Variants in SPIRE1 observed in about 807,000 individuals in gnomAD.
The protein encoded by SPIRE1 is spire type actin nucleation factor 1, also known as protein spire homolog 1.
Under a neutral mutation model 94.1 loss-of-function variants are expected in SPIRE1, and 40 were observed. That is an observed-to-expected ratio of 0.43 (90% CI 0.33 to 0.55). SPIRE1 has a LOEUF of 0.55. SPIRE1 is among the 20% of genes least tolerant of loss of function. The pLI is 0.06. For synonymous variants in SPIRE1, 376 were observed against 371.7 expected (o/e 1.01, Z -0.13); for missense variants, 838 against 975.2 (o/e 0.86, Z 1.87).
At chr18:12,504,230 G>A (rs2033758051) in intron 6 of SPIRE1, among the ~76,000 whole-genome samples, 2 of 147,580 alleles carry the variant, frequency 1.4e-5, no homozygotes, top group South Asian at 4.2e-4. Context: ...GACGTGGCTG[G>A]GCATGGTGGC....
chr18:12,595,361 T>C (rs979846197), intron 2 of SPIRE1, among the ~76,000 whole-genome samples: 6 of 152,158 alleles, frequency 3.9e-5, no homozygotes, highest in African/African-American at 1.4e-4. Context: ...ATGTATTAAC[T>C]GTTATGTTAC....
intron 2 of SPIRE1, among the ~76,000 whole-genome samples, chr18:12,593,953 GAA>G (rs71371279): frequency 1.2e-4 from 18 of 144,722 alleles, no homozygotes; most frequent in East Asian, 4.0e-4. Flanking sequence ...GCTGTCTCAA[GAA>G]AAAAAAAAAA....
At chr18:12,604,934 C>G (rs2036931787) in intron 2 of SPIRE1, among the ~76,000 whole-genome samples, 2 of 151,946 alleles carry the variant, frequency 1.3e-5, no homozygotes, top group South Asian at 4.1e-4. Flanking sequence ...GAAAGAAGCT[C>G]TAACACACTA....
At chr18:12,500,781 T>C (rs887420714) in intron 6 of SPIRE1, among the ~76,000 whole-genome samples, 3 of 152,016 alleles carry the variant, frequency 2.0e-5, no homozygotes, top group African/African-American at 7.2e-5. Flanking sequence ...TAAGAAGAAG[T>C]AAAGTAGCTC....
chr18:12,603,342 A>G (rs935569391), intron 2 of SPIRE1, among the ~76,000 whole-genome samples: 8 of 152,128 alleles, frequency 5.3e-5, no homozygotes, highest in African/African-American at 1.7e-4. Context: ...TTTGAAATAC[A>G]TATTTGGTCT....
intron 4 of SPIRE1, among the ~76,000 whole-genome samples, chr18:12,531,313 A>C (rs2034676074): frequency 6.6e-6 from 1 of 152,120 alleles, no homozygotes; most frequent in Admixed American, 6.6e-5. Flanking sequence ...ATTCTCTCAT[A>C]AACTCTCTTC....
chr18:12,461,492 A>G (rs1039216894), intron 12 of SPIRE1, among the ~76,000 whole-genome samples: 50 of 149,692 alleles, frequency 3.3e-4, no homozygotes, highest in South Asian at 1.3e-3. Context: ...ATATGTGTGT[A>G]TGCACGTACA....
rs111939597 is a variant in SPIRE1, at chr18:12,454,503, G to A, written c.1639-20C>T. 24 of 1,613,152 alleles carry A rather than the reference G, an allele frequency of 1.5e-5. No individual in the cohort carries two copies. The highest frequency in any genetic ancestry group is 1.3e-4 in the African/African-American group (10 of 74,772). Reference sequence around the variant, plus strand: ...TTCCTCCTGAAATTCAAAATGTCACGTGAATAAGAGATTCCTACCCCCTGT... The same window carrying A: ...TTCCTCCTGAAATTCAAAATGTCACATGAATAAGAGATTCCTACCCCCTGT... On this transcript the variant is annotated intron_variant, in intron 12 of 16. Coordinates refer to ENST00000409402, the MANE Select transcript of SPIRE1 (RefSeq NM_001128626.2).
intron 12 of SPIRE1, among the ~76,000 whole-genome samples, chr18:12,458,613 C>CA (rs1040135311): frequency 7.9e-5 from 12 of 151,274 alleles, no homozygotes; most frequent in African/African-American, 1.5e-4. Flanking sequence ...GACTCCATCT[C>CA]AAAAAAAACA....
At position 12,482,034 on chromosome 18, in the gene SPIRE1, C is replaced by T. The variant is rs1444651392; in HGVS notation, c.1232-2163G>A. The stretch of plus-strand genomic sequence containing the variant: ...TGGAGTTATCATAATAAGAGAAACA[C>T]AACCAGCTTCTCATGCTGGCCCCAC... On this transcript the variant is annotated intron_variant, in intron 9 of 16. Coordinates refer to ENST00000409402, the MANE Select transcript of SPIRE1 (RefSeq NM_001128626.2). 7.2e-5 allele frequency among the ~76,000 whole-genome samples: 11 copies of T among 152,276 alleles called. No homozygotes were observed. In the East Asian group the frequency reaches 2.1e-3, roughly 29 times the overall value.
intron 6 of SPIRE1, among the ~76,000 whole-genome samples, chr18:12,502,725 T>C (rs1428016608): frequency 1.3e-5 from 2 of 152,170 alleles, no homozygotes; most frequent in Admixed American, 1.3e-4. Context: ...TTCATCATAA[T>C]ATGGATTAAA....
intron 1 of SPIRE1, among the ~76,000 whole-genome samples, chr18:12,652,230 C>T (rs1252024988): frequency 6.6e-6 from 1 of 152,014 alleles, no homozygotes; most frequent in African/African-American, 2.4e-5. Context: ...TCTAAAGACC[C>T]TGTATACCAA....
At chr18:12,547,822 A>AT (rs1476230342) in intron 2 of SPIRE1, among the ~76,000 whole-genome samples, 1 of 152,194 alleles carries the variant, frequency 6.6e-6, no homozygotes, top group East Asian at 1.9e-4. Context: ...TGTGCCGGTA[A>AT]TCCCAGTTTC....
intron 4 of SPIRE1, among the ~76,000 whole-genome samples, chr18:12,524,822 T>A (rs1190657748): frequency 2.0e-5 from 3 of 151,288 alleles, no homozygotes; most frequent in Admixed American, 1.3e-4. Flanking sequence ...AAAATAAAAA[T>A]AAAAAAATCA....
At chr18:12,536,932 C>T (rs996531272) in intron 3 of SPIRE1, among the ~76,000 whole-genome samples, 10 of 152,202 alleles carry the variant, frequency 6.6e-5, no homozygotes, top group African/African-American at 1.9e-4. Context: ...ACTAAAAATA[C>T]GCATCTTATT....
chr18:12,496,110 G>A lies in SPIRE1; in HGVS notation c.973-8C>T. The A allele has an allele frequency of 6.3e-7, 1 of 1,598,444 alleles. No individual in the cohort carries two copies. The highest frequency in any genetic ancestry group is 8.6e-7 in the Non-Finnish European group (1 of 1,165,906). On this transcript the variant is annotated splice_region_variant and splice_polypyrimidine_tract_variant and intron_variant, in intron 6 of 16. Coordinates refer to ENST00000409402, the MANE Select transcript of SPIRE1 (RefSeq NM_001128626.2). ...GGGAATATCACCATTCACCTAAAAG[G>A]AGACAAAAAGCAGAAGATTCATGTG...
At chr18:12,607,318 CCA>C (rs772878553) in intron 2 of SPIRE1, among the ~76,000 whole-genome samples, 1 of 152,112 alleles carries the variant, frequency 6.6e-6, no homozygotes, top group Non-Finnish European at 1.5e-5. Flanking sequence ...CATCTCAATT[CCA>C]GTTTGATTCT....
chr18:12,554,610 G>C (rs1395784718), intron 2 of SPIRE1, among the ~76,000 whole-genome samples: 1 of 152,078 alleles, frequency 6.6e-6, no homozygotes, highest in Non-Finnish European at 1.5e-5. Context: ...TGAAAAATAG[G>C]AGGGAATATT....
intron 1 of SPIRE1, among the ~76,000 whole-genome samples, 195 bp downstream of exon 1, chr18:12,657,335 G>A (rs1222597370): frequency 1.6e-5 from 2 of 127,336 alleles, no homozygotes; most frequent in African/African-American, 5.1e-5. Context: ...ACGAGGCTCT[G>A]ACCTCCGAGG....
Sources: allele counts gnomAD v4.1 joint callset (sites outside exome capture counted in the v4.1 genomes callset), GRCh38; gene constraint gnomAD v4.1.1; transcripts MANE v1.5; gene names NCBI Gene and HGNC (gene_info 2026-07-23, HGNC 2026-07-21).